The following SLCO2A1 variants were observed in gnomAD, a reference collection of about 807,000 sequenced individuals.
SLCO2A1 encodes the protein matrin F/G 1.
SLCO2A1 carries 60 observed loss-of-function variants against 71.7 expected under a neutral mutation model. That is an observed-to-expected ratio of 0.84 (90% CI 0.68 to 1.04). SLCO2A1 has a LOEUF of 1.04. Ranked by LOEUF, SLCO2A1 falls within the 50% of genes least tolerant of loss-of-function variation. The pLI is 0.00. For synonymous variants in SLCO2A1, 308 were observed against 326.7 expected, an observed-to-expected ratio of 0.94 and a Z score of 0.62; for missense variants, 745 against 813.4, an observed-to-expected ratio of 0.92 and a Z score of 1.02.
At chr3:134,000,734 C>T (rs899650805) in intron 1 of SLCO2A1, among the ~76,000 whole-genome samples, 13 of 152,192 alleles carry the variant, frequency 8.5e-5, no homozygotes, top group Non-Finnish European at 1.5e-4. Context: ...AACCCAGTCG[C>T]AACATTTGGG....
Position 134,029,691 on chromosome 3 carries a change from C to G in SLCO2A1, c.96+16G>C. Reference sequence around the variant, plus strand: ...GGCGCGGCTCCGGCCCGGAAGACCCCGCGGACTCCGCTCACCTTAATGTTG... The same window carrying G: ...GGCGCGGCTCCGGCCCGGAAGACCCGGCGGACTCCGCTCACCTTAATGTTG... On this transcript the variant is annotated intron_variant, in intron 1 of 13. Transcript: ENST00000310926. The G allele has an allele frequency of 6.4e-7, 1 of 1,566,968 alleles. No homozygotes were observed. The highest frequency in any genetic ancestry group is 8.6e-7 in the Non-Finnish European group (1 of 1,161,508).
chr3:133,976,137 C>T lies in SLCO2A1; in HGVS notation c.235-2312G>A, dbSNP rs79675139. ...GGACATAGTTGCCCAGGAGACCCCTCCAGCATGGCCAAGAGTGAGATGGTT... is the reference window on the plus strand; with the variant it reads ...GGACATAGTTGCCCAGGAGACCCCTTCAGCATGGCCAAGAGTGAGATGGTT... On this transcript the variant is annotated intron_variant, in intron 2 of 13. Transcript: ENST00000310926. Among the ~76,000 whole-genome samples, 1,460 of 152,298 alleles carry T rather than the reference C, an allele frequency of 9.6e-3. 12 individuals carry two copies. The highest frequency in any genetic ancestry group is 0.017 in the Non-Finnish European group (1,164 of 68,032).
At chr3:134,029,118 G>C (rs1441640465) in intron 1 of SLCO2A1, among the ~76,000 whole-genome samples, 2 of 152,128 alleles carry the variant, frequency 1.3e-5, no homozygotes, top group Non-Finnish European at 1.5e-5. Flanking sequence ...CCGCTGAGAG[G>C]GAATTCTAAA....
intron 3 of SLCO2A1, among the ~76,000 whole-genome samples, chr3:133,970,260 G>A (rs889030801): frequency 6.6e-5 from 10 of 152,094 alleles, no homozygotes; most frequent in African/African-American, 1.2e-4. Context: ...GCAGCCCTAC[G>A]AGGGCTATAA....
At chr3:133,997,088 A>G (rs1311746121) in intron 1 of SLCO2A1, among the ~76,000 whole-genome samples, 2 of 152,302 alleles carry the variant, frequency 1.3e-5, no homozygotes, top group East Asian at 3.9e-4. Context: ...TACCAAAGAC[A>G]CAGACCTGAA....
intron 1 of SLCO2A1, among the ~76,000 whole-genome samples, chr3:134,000,062 G>A (rs1935071734): frequency 6.6e-6 from 1 of 152,248 alleles, no homozygotes; most frequent in African/African-American, 2.4e-5. Flanking sequence ...ACAGCAGAGG[G>A]AGAGACACTG....
At chr3:134,020,545 G>T (rs759214552) in intron 1 of SLCO2A1, among the ~76,000 whole-genome samples, 1 of 152,238 alleles carries the variant, frequency 6.6e-6, no homozygotes, top group African/African-American at 2.4e-5. Context: ...GAGGAGCAAC[G>T]CAGTGGCTGA....
chr3:133,947,453 T>G lies in SLCO2A1; in HGVS notation c.1106-8A>C. The G allele has an allele frequency of 6.2e-7, 1 of 1,607,826 alleles. No homozygotes were observed. Among genetic ancestry groups the G allele is most frequent in the Non-Finnish European group, 8.5e-7 (1 of 1,176,914 alleles). On this transcript the variant is annotated splice_polypyrimidine_tract_variant and splice_region_variant and intron_variant, in intron 8 of 13. Coordinates refer to ENST00000310926, the MANE Select transcript of SLCO2A1 (RefSeq NM_005630.3). The stretch of plus-strand genomic sequence containing the variant: ...CAGGGAGGTTCACAGCACCTATAAG[T>G]GGAAAGAAGGAGGTGATCCAGGTGC...
Position 133,948,451 on chromosome 3 carries a change from G to C in SLCO2A1, c.1105+85C>G. 2.1e-6 allele frequency: 3 copies of C among 1,414,052 alleles called. No individual in the cohort carries two copies. The South Asian group carries it at 4.0e-5, about 19-fold the overall frequency. The allele number at this position is 1,414,052 out of a possible 1,614,324, so 87.6% of individuals were successfully genotyped here. ...ACCCTGCCTATGTCCGGTCTGGCCT[G>C]CGCCCATCCCTGGATGGGTGGCTGG... On this transcript the variant is annotated intron_variant, in intron 8 of 13. Coordinates refer to ENST00000310926, the MANE Select transcript of SLCO2A1 (RefSeq NM_005630.3).
chr3:134,014,814 T>C (rs1935413396), intron 1 of SLCO2A1, among the ~76,000 whole-genome samples: 1 of 152,188 alleles, frequency 6.6e-6, no homozygotes, highest in South Asian at 2.1e-4. Flanking sequence ...ATATGTGGCA[T>C]TGGATGAGCC....
At chr3:133,963,316 C>T (rs1465553457) in intron 3 of SLCO2A1, among the ~76,000 whole-genome samples, 1 of 152,176 alleles carries the variant, frequency 6.6e-6, no homozygotes, top group Non-Finnish European at 1.5e-5. Context: ...TTCAAAGCCA[C>T]ATGTTTCAGC....
chr3:133,934,457 T>G lies in SLCO2A1; in HGVS notation c.*256A>C. Reference sequence around the variant, plus strand: ...CTCAACACTGAAGTGAGCCTGGGCATCTGGGGGCCTCTTCCAAGGGGCCAG... The same window carrying G: ...CTCAACACTGAAGTGAGCCTGGGCAGCTGGGGGCCTCTTCCAAGGGGCCAG... On this transcript the variant is annotated 3_prime_UTR_variant, in exon 14 of 14. Transcript: ENST00000310926. 2.8e-6 allele frequency: 1 copy of G among 352,752 alleles called. No homozygotes were observed. The highest frequency in any genetic ancestry group is 4.2e-5 in the South Asian group (1 of 23,908). The allele number at this position is 352,752 out of a possible 1,614,324, so 21.9% of individuals were successfully genotyped here. A position where few individuals can be genotyped will look rare whatever the true frequency, so the allele number is the denominator to read the frequency against.
chr3:133,955,220 C>T, intron 3 of SLCO2A1, 27 bp from the exon 4 acceptor site: 1 of 1,590,246 alleles, frequency 6.3e-7, no homozygotes, highest in Non-Finnish European at 8.6e-7. Context: ...TGCTGGTCTC[C>T]ACCACCCTGG....
chr3:133,967,350 T>C (rs1934204511), intron 3 of SLCO2A1, among the ~76,000 whole-genome samples: 5 of 152,212 alleles, frequency 3.3e-5, no homozygotes, highest in Admixed American at 2.6e-4. Context: ...GCTACTTTTA[T>C]GTCACGGCTC....
intron 11 of SLCO2A1, among the ~76,000 whole-genome samples, chr3:133,941,037 A>T (rs2108038098): frequency 2.0e-5 from 3 of 152,226 alleles, no homozygotes; most frequent in East Asian, 3.9e-4. Flanking sequence ...ACACACCCTA[A>T]GTTTTGTGCT....
At chr3:134,020,164 C>A (rs1935541675) in intron 1 of SLCO2A1, among the ~76,000 whole-genome samples, 1 of 152,100 alleles carries the variant, frequency 6.6e-6, no homozygotes. Context: ...TGGATCATGA[C>A]CCGCTCATGT....
intron 1 of SLCO2A1, among the ~76,000 whole-genome samples, chr3:133,989,982 T>C (rs552719675): frequency 7.7e-6 from 1 of 129,934 alleles, no homozygotes; most frequent in African/African-American, 2.8e-5. Flanking sequence ...CTTCACACTG[T>C]GTGATAGTTC....
chr3:134,016,241 A>C (rs2108077007), intron 1 of SLCO2A1, among the ~76,000 whole-genome samples: 1 of 152,294 alleles, frequency 6.6e-6, no homozygotes, highest in South Asian at 2.1e-4. Flanking sequence ...GAGGATGAAA[A>C]AATAAGCTAT....
At chr3:133,976,055 G>C (rs749545203) in intron 2 of SLCO2A1, among the ~76,000 whole-genome samples, 1 of 152,202 alleles carries the variant, frequency 6.6e-6, no homozygotes, top group Non-Finnish European at 1.5e-5. Flanking sequence ...CTTGGTGCTC[G>C]TTAAATATTG....
Sources: allele counts gnomAD v4.1 joint callset (sites outside exome capture counted in the v4.1 genomes callset), GRCh38; gene constraint gnomAD v4.1.1; transcripts MANE v1.5; gene names NCBI Gene and HGNC (gene_info 2026-07-23, HGNC 2026-07-21).